The following NRG1 variants were observed in gnomAD, a reference collection of about 807,000 sequenced individuals.
NRG1 encodes pro-neuregulin-1, membrane-bound isoform.
In NRG1, 18 loss-of-function variants were observed where a neutral mutation model predicts 63.8. That is an observed-to-expected ratio of 0.28 (90% CI 0.19 to 0.42). The LOEUF is 0.42. Ranked by LOEUF, NRG1 falls within the 10% of genes least tolerant of loss-of-function variation. The pLI, the probability that NRG1 is intolerant of heterozygous loss-of-function variation, is 1.00. For missense variants in NRG1, 762 were observed against 814.7 expected (o/e 0.94, Z 0.79); for synonymous variants, 302 against 301.3 (o/e 1.00, Z -0.02).
intron 1 of NRG1, among the ~76,000 whole-genome samples, chr8:32,034,521 G>A (rs1402656895): frequency 6.6e-6 from 1 of 152,098 alleles, no homozygotes; most frequent in Non-Finnish European, 1.5e-5. Flanking sequence ...TCAGAAGAAA[G>A]TGTATCAGTT....
chr8:31,754,963 G>A (rs989443040), intron 1 of NRG1, among the ~76,000 whole-genome samples: 8 of 151,982 alleles, frequency 5.3e-5, no homozygotes, highest in Admixed American at 3.9e-4. Flanking sequence ...GGAAATTTAC[G>A]TGGAAGCTGA....
intron 5 of NRG1, among the ~76,000 whole-genome samples, chr8:32,630,231 C>T (rs1458532463): frequency 6.6e-6 from 1 of 152,096 alleles, no homozygotes; most frequent in Admixed American, 6.6e-5. Context: ...CAGAAATGGT[C>T]CTTTTTCCCT....
At chr8:31,665,747 G>A (rs529759104) in intron 1 of NRG1, among the ~76,000 whole-genome samples, 1 of 152,032 alleles carries the variant, frequency 6.6e-6, no homozygotes, top group Admixed American at 6.6e-5. Flanking sequence ...CTTGTGTTTT[G>A]TTGCATTGCG....
At chr8:32,211,451 C>T (rs1420362683) in intron 1 of NRG1, among the ~76,000 whole-genome samples, 1 of 152,122 alleles carries the variant, frequency 6.6e-6, no homozygotes, top group Non-Finnish European at 1.5e-5. Flanking sequence ...GAGCCAGGGG[C>T]ATCCTCATTT....
At chr8:32,738,314 A>G (rs1396987434) in intron 6 of NRG1, among the ~76,000 whole-genome samples, 1 of 152,002 alleles carries the variant, frequency 6.6e-6, no homozygotes, top group Admixed American at 6.6e-5. Flanking sequence ...TTTTCACCCC[A>G]TTAATAACAA....
At chr8:32,234,171 G>T (rs1847293441) in intron 1 of NRG1, among the ~76,000 whole-genome samples, 1 of 152,136 alleles carries the variant, frequency 6.6e-6, no homozygotes, top group Non-Finnish European at 1.5e-5. Flanking sequence ...AAGATTGAAG[G>T]TTGCCAAAAT....
At chr8:32,185,254 A>G (rs1375794651) in intron 1 of NRG1, among the ~76,000 whole-genome samples, 1 of 152,190 alleles carries the variant, frequency 6.6e-6, no homozygotes, top group Non-Finnish European at 1.5e-5. Flanking sequence ...AAAGGCAATT[A>G]TTTCTGTAAA....
intron 5 of NRG1, among the ~76,000 whole-genome samples, chr8:32,686,524 G>A (rs1301047096): frequency 6.6e-6 from 1 of 152,306 alleles, no homozygotes; most frequent in East Asian, 1.9e-4. Flanking sequence ...TCATGTGTCA[G>A]CCCTGGGTTT....
chr8:32,177,373 A>G (rs896750121), intron 1 of NRG1, among the ~76,000 whole-genome samples: 5 of 151,962 alleles, frequency 3.3e-5, no homozygotes, highest in Non-Finnish European at 7.4e-5. Flanking sequence ...GGTATACCTA[A>G]TGTTAAATGA....
intron 1 of NRG1, among the ~76,000 whole-genome samples, chr8:31,916,974 C>A (rs1410208833): frequency 6.6e-6 from 1 of 152,000 alleles, no homozygotes; most frequent in East Asian, 1.9e-4. Context: ...AGCATTTTTT[C>A]ATGTGTTTTT....
intron 1 of NRG1, among the ~76,000 whole-genome samples, chr8:32,104,595 C>T (rs1831017837): frequency 6.6e-6 from 1 of 152,078 alleles, no homozygotes; most frequent in Admixed American, 6.6e-5. Context: ...TCAATAATAG[C>T]TTGAAATACA....
intron 3 of NRG1, among the ~76,000 whole-genome samples, chr8:32,608,678 T>G (rs1374169372): frequency 6.7e-6 from 1 of 150,000 alleles, no homozygotes; most frequent in Non-Finnish European, 1.5e-5. Flanking sequence ...TGAGCATCTC[T>G]GCGAATTTAA....
intron 1 of NRG1, among the ~76,000 whole-genome samples, chr8:31,775,372 T>C (rs1358087288): frequency 2.0e-5 from 3 of 152,182 alleles, no homozygotes; most frequent in Non-Finnish European, 2.9e-5. Flanking sequence ...TTCTCACTTA[T>C]GAGTGAGAGA....
intron 1 of NRG1, among the ~76,000 whole-genome samples, chr8:31,660,114 G>A (rs945472720): frequency 5.9e-5 from 9 of 152,118 alleles, no homozygotes; most frequent in East Asian, 3.9e-4. Flanking sequence ...GAAATGAAAC[G>A]CAACGTATGT....
intron 1 of NRG1, among the ~76,000 whole-genome samples, chr8:32,274,682 A>G (rs1403183941): frequency 6.6e-6 from 1 of 152,140 alleles, no homozygotes; most frequent in Non-Finnish European, 1.5e-5. Flanking sequence ...AGACAGTTTT[A>G]CCATCTTCCC....
At chr8:32,134,398 G>A (rs776559041) in intron 1 of NRG1, among the ~76,000 whole-genome samples, 20 of 151,980 alleles carry the variant, frequency 1.3e-4, no homozygotes, top group Non-Finnish European at 2.8e-4. Context: ...CCTCCAGATG[G>A]CCAGATACCT....
At chr8:31,996,397 C>A (rs1811970771) in intron 1 of NRG1, among the ~76,000 whole-genome samples, 1 of 151,818 alleles carries the variant, frequency 6.6e-6, no homozygotes, top group African/African-American at 2.4e-5. Context: ...TTTGTGAGAA[C>A]AAAATGACAC....
At chr8:32,580,336 A>G (rs1588459702) in intron 1 of NRG1, among the ~76,000 whole-genome samples, 1 of 152,152 alleles carries the variant, frequency 6.6e-6, no homozygotes, top group East Asian at 1.9e-4. Flanking sequence ...ACAGGAATGA[A>G]TTTGTTTCCA....
intron 1 of NRG1, among the ~76,000 whole-genome samples, chr8:32,111,379 A>T (rs576370442): frequency 2.4e-4 from 36 of 152,244 alleles, no homozygotes; most frequent in African/African-American, 7.0e-4. Flanking sequence ...GGCCTCCCAA[A>T]GTGCTGGGAT....
Sources: allele counts gnomAD v4.1 joint callset (sites outside exome capture counted in the v4.1 genomes callset), GRCh38; gene constraint gnomAD v4.1.1; transcripts MANE v1.5; gene names NCBI Gene and HGNC (gene_info 2026-07-23, HGNC 2026-07-21).